Variants in NCOR1 observed in about 807,000 individuals in gnomAD.
NCOR1 encodes the protein protein phosphatase 1, regulatory subunit 109.
Under a neutral mutation model 288.1 loss-of-function variants are expected in NCOR1, and 63 were observed. The observed-to-expected ratio is 0.22, with a 90% CI of 0.18 to 0.27. NCOR1 has a LOEUF of 0.27. NCOR1 is among the 10% of genes least tolerant of loss of function. The probability of loss-of-function intolerance (pLI) is 1.00; values close to 1 mark genes in which losing one functional copy is unlikely to be tolerated. For synonymous variants in NCOR1, 1,007 were observed against 1,065.9 expected (o/e 0.94, Z 1.08); for missense variants, 2,397 against 3,019.2 (o/e 0.79, Z 4.83).
chr17:16,035,920 T>C (rs1378271960), intron 44 of NCOR1, among the ~76,000 whole-genome samples: 1 of 152,136 alleles, frequency 6.6e-6, no homozygotes, highest in Non-Finnish European at 1.5e-5. Context: ...CCATGGGAGC[T>C]GGAATCATCT....
chr17:16,042,229 C>T (rs1160604140), intron 42 of NCOR1, among the ~76,000 whole-genome samples: 1 of 152,108 alleles, frequency 6.6e-6, no homozygotes, highest in Non-Finnish European at 1.5e-5. Flanking sequence ...ACTTATGGGC[C>T]AGGTGACAAG....
chr17:16,097,950 T>C (rs2066931444), intron 21 of NCOR1, among the ~76,000 whole-genome samples: 1 of 152,284 alleles, frequency 6.6e-6, no homozygotes, highest in South Asian at 2.1e-4. Flanking sequence ...ACCTAGTTGG[T>C]GACCAAAGAG....
chr17:16,059,083 T>G (rs113836600), intron 37 of NCOR1, among the ~76,000 whole-genome samples: 2,492 of 146,128 alleles, frequency 0.017, 67 homozygotes, highest in African/African-American at 0.06. Flanking sequence ...AAAAGACATG[T>G]TTTAAAGCCC....
chr17:16,141,648 T>C (rs558002952), intron 11 of NCOR1, among the ~76,000 whole-genome samples: 1 of 152,340 alleles, frequency 6.6e-6, no homozygotes, highest in East Asian at 1.9e-4. Context: ...ACAAAGAGGC[T>C]ATTTTTTCAT....
intron 40 of NCOR1, among the ~76,000 whole-genome samples, chr17:16,051,311 C>A (rs2059285036): frequency 6.6e-6 from 1 of 152,154 alleles, no homozygotes; most frequent in Non-Finnish European, 1.5e-5. Flanking sequence ...TGCATCACAT[C>A]CTTTTCTAGA....
chr17:16,035,604 C>T (rs1369201255), intron 44 of NCOR1, among the ~76,000 whole-genome samples: 4 of 150,418 alleles, frequency 2.7e-5, no homozygotes, highest in Admixed American at 2.0e-4. Flanking sequence ...GGCACAATCA[C>T]GGCTTACCAG....
intron 14 of NCOR1, among the ~76,000 whole-genome samples, chr17:16,131,513 G>C (rs1341527841): frequency 6.6e-6 from 1 of 152,074 alleles, no homozygotes; most frequent in African/African-American, 2.4e-5. Context: ...AAACAGACAA[G>C]TTCCCACTCA....
intron 3 of NCOR1, among the ~76,000 whole-genome samples, chr17:16,182,835 T>C (rs993103693): frequency 6.6e-6 from 1 of 151,400 alleles, no homozygotes; most frequent in Admixed American, 6.6e-5. Flanking sequence ...TAGCAAAAAA[T>C]TTTTACTGGA....
rs2074013436 is a variant in NCOR1, at chr17:16,126,212, A to C, written c.1510-6T>G. ...TGCGAGGGTCGAGCAATTTGCTGCT[A>C]GAATGAACCATCATTTGTAAAATTC... is the stretch of plus-strand genomic sequence containing the variant. On this transcript the variant is annotated splice_polypyrimidine_tract_variant and splice_region_variant and intron_variant, in intron 14 of 45. Coordinates refer to ENST00000268712, the MANE Select transcript of NCOR1 (RefSeq NM_006311.4). The C allele has an allele frequency of 6.6e-7, 1 of 1,511,534 alleles. No individual in the cohort carries two copies. 93.6% of individuals were successfully genotyped at this position (1,511,534 alleles called of 1,614,324 possible).
Position 16,070,142 on chromosome 17 carries a change from A to G in NCOR1, c.4513+23T>C. ...TTTTAAATGCAATAAAAAGTATCAG[A>G]CCAAGCAACAAAAGTAACATACCAT... On this transcript the variant is annotated intron_variant, in intron 31 of 45. Transcript: ENST00000268712. The G allele has an allele frequency of 1.9e-6, 3 of 1,564,410 alleles. 1 individual carries two copies. The highest frequency in any genetic ancestry group is 2.4e-5 in the South Asian group (2 of 82,956).
chr17:16,069,149 A>G (rs967558269), intron 31 of NCOR1, among the ~76,000 whole-genome samples: 3 of 152,202 alleles, frequency 2.0e-5, no homozygotes, highest in African/African-American at 7.2e-5. Context: ...CTAATTACTA[A>G]TATTTTGATA....
rs774016996 is a variant in NCOR1, at chr17:16,098,480, A to G, written c.2707T>C (p.Ser903Pro). The change falls in exon 21 of 46, where the codon TCA becomes CCA. Residue 903 changes from serine (S) to proline (P), a missense_variant. By Grantham distance (74) the Ser-to-Pro change is moderately conservative (BLOSUM62 -1). Around this residue, in one of 11 missense-constraint regions of NCOR1, gnomAD observed 1,872 missense variants for 2,187.8 expected, o/e 0.86. Coordinates refer to ENST00000268712, the MANE Select transcript of NCOR1 (RefSeq NM_006311.4). The stretch of plus-strand genomic sequence containing the variant: ...GTGGGGTTTAACAGTGAAGGCTTTG[A>G]GTCCATAGGAAACATTCTGCAATTG... ...PERQRMFPMD[S>P]KPSLLNPTGS... is the part of the protein sequence containing the mutation. The G allele has an allele frequency of 1.7e-5, 28 of 1,608,616 alleles. No homozygotes were observed. Among genetic ancestry groups the G allele is most frequent in the Middle Eastern group, 3.3e-4 (2 of 6,074 alleles).
intron 11 of NCOR1, among the ~76,000 whole-genome samples, chr17:16,143,290 C>A (rs1445722649): frequency 6.6e-6 from 1 of 152,188 alleles, no homozygotes; most frequent in African/African-American, 2.4e-5. Flanking sequence ...CTTGGCCTGT[C>A]CATTCTACCT....
chr17:16,145,510 G>A (rs933836343), intron 10 of NCOR1, among the ~76,000 whole-genome samples: 10 of 142,446 alleles, frequency 7.0e-5, no homozygotes, highest in South Asian at 2.3e-4. Context: ...GCCCGGCCAC[G>A]ACCCCGTCTG....
chr17:16,126,037 AAAAAT>A, intron 15 of NCOR1, 40 bp downstream of exon 15: 1 of 963,338 alleles, frequency 1.0e-6, no homozygotes, highest in Non-Finnish European at 1.5e-6. Context: ...AAAATAAAAT[AAAAAT>A]AAACATTTAA....
At chr17:16,106,025 G>A (rs575221157) in intron 19 of NCOR1, among the ~76,000 whole-genome samples, 11 of 152,192 alleles carry the variant, frequency 7.2e-5, no homozygotes, top group African/African-American at 2.2e-4. Flanking sequence ...GCTTGAACCC[G>A]GGAAGCAGAG....
intron 1 of NCOR1, among the ~76,000 whole-genome samples, chr17:16,206,791 G>A (rs1358888590): frequency 6.6e-6 from 1 of 152,042 alleles, no homozygotes; most frequent in Non-Finnish European, 1.5e-5. Context: ...GTATATAAAA[G>A]AATAGTACAT....
rs2153381649 is a variant in NCOR1 at position 16,151,945 on chromosome 17, C to T, written c.842+1G>A. On this transcript the variant is annotated splice_donor_variant, in intron 8 of 45. Coordinates refer to ENST00000268712, the MANE Select transcript of NCOR1 (RefSeq NM_006311.4). LOFTEE classifies it high-confidence loss of function. The stretch of plus-strand genomic sequence containing the variant: ...GAACTCCAAAGATGATCAATACTTA[C>T]GTCTTGATGTTCTCATGGTACACCT... 2 of 1,590,716 alleles carry T rather than the reference C, an allele frequency of 1.3e-6. No individual in the cohort carries two copies. Among genetic ancestry groups the T allele is most frequent in the Non-Finnish European group, 1.7e-6 (2 of 1,166,154 alleles).
intron 1 of NCOR1, among the ~76,000 whole-genome samples, chr17:16,195,277 C>G (rs755904883): frequency 9.2e-5 from 14 of 152,108 alleles, no homozygotes; most frequent in Non-Finnish European, 1.8e-4. Flanking sequence ...TCGAGACCAG[C>G]CTGGCCAACA....
Sources: allele counts gnomAD v4.1 joint callset (sites outside exome capture counted in the v4.1 genomes callset), GRCh38; gene constraint gnomAD v4.1.1; regional missense constraint gnomAD v4.1.1; transcripts MANE v1.5; gene names NCBI Gene and HGNC (gene_info 2026-07-23, HGNC 2026-07-21).